Variants in ZHX3 observed in about 807,000 individuals in gnomAD.
ZHX3 encodes the protein zinc fingers and homeoboxes protein 3.
In ZHX3, 20 loss-of-function variants were observed where a neutral mutation model predicts 64.5. That is an observed-to-expected ratio of 0.31 (90% confidence interval 0.22 to 0.45). The LOEUF (loss-of-function observed/expected upper bound fraction) is 0.45, where lower values mean the gene tolerates loss of function less well. Ranked by LOEUF, ZHX3 falls within the 20% of genes least tolerant of loss-of-function variation. The pLI is 1.00. For missense variants in ZHX3, 1,041 were observed against 1,195.8 expected, an observed-to-expected ratio of 0.87 and a Z score of 1.91; for synonymous variants, 423 against 461.6, an observed-to-expected ratio of 0.92 and a Z score of 1.07.
chr20:41,266,915 G>A (rs972267756), intron 2 of ZHX3, among the ~76,000 whole-genome samples: 1 of 142,974 alleles, frequency 7.0e-6, no homozygotes, highest in African/African-American at 2.6e-5. Context: ...TGCCGTCTCG[G>A]CTCACTGCAA....
chr20:41,229,061 T>C (rs1238359729), intron 2 of ZHX3, among the ~76,000 whole-genome samples: 1 of 152,184 alleles, frequency 6.6e-6, no homozygotes, highest in Non-Finnish European at 1.5e-5. Context: ...CATTAAACAA[T>C]AACTCCCATT....
At chr20:41,289,740 C>G (rs1299591838) in intron 1 of ZHX3, among the ~76,000 whole-genome samples, 1 of 150,230 alleles carries the variant, frequency 6.7e-6, no homozygotes, top group Admixed American at 6.7e-5. Context: ...TGAAAGCTCT[C>G]TGGCCCCTAG....
At chr20:41,257,994 G>A (rs899915956) in intron 2 of ZHX3, among the ~76,000 whole-genome samples, 1 of 148,152 alleles carries the variant, frequency 6.7e-6, no homozygotes, top group Non-Finnish European at 1.5e-5. Flanking sequence ...CCACCTCCCA[G>A]GTTCAAGTGA....
chr20:41,290,834 T>C (rs1436747809), intron 1 of ZHX3, among the ~76,000 whole-genome samples: 1 of 152,198 alleles, frequency 6.6e-6, no homozygotes, highest in Non-Finnish European at 1.5e-5. Flanking sequence ...GAAAAGTGGC[T>C]ACAGGGACTC....
chr20:41,258,518 T>C (rs1398536575), intron 2 of ZHX3, among the ~76,000 whole-genome samples: 1 of 152,248 alleles, frequency 6.6e-6, no homozygotes, highest in Non-Finnish European at 1.5e-5. Context: ...TTCCTTATCA[T>C]TCACGTTCTT....
Position 41,222,889 on chromosome 20 carries a change from T to C in ZHX3, c.-150-17823A>G, listed in dbSNP as rs371215304. ...TGCAGGCTGGTGAGCTCACTTGAAT[T>C]TCTCAAGAACATTTGTTAAAAAAAA... On this transcript the variant is annotated intron_variant, in intron 2 of 3. Coordinates refer to ENST00000683867, the MANE Select transcript of ZHX3 (RefSeq NM_001384317.1). Among the ~76,000 whole-genome samples the C allele has an allele frequency of 5.1e-4, 77 of 149,928 alleles. 1 individual carries two copies. Among genetic ancestry groups the C allele is most frequent in the East Asian group, 5.0e-3 (25 of 5,004 alleles).
chr20:41,254,976 A>T (rs888833111), intron 2 of ZHX3, among the ~76,000 whole-genome samples: 48 of 152,236 alleles, frequency 3.2e-4, no homozygotes, highest in African/African-American at 1.1e-3. Context: ...GGAAGACCAA[A>T]GAAGACTTCA....
In ZHX3 at chr20:41,202,956, C is replaced by T. The variant is rs368356949; in HGVS notation, c.1961G>A (p.Arg654Gln). The part of the protein sequence containing the change: ...RLRSETKMTR[R>Q]EIDSWFSERR... ...CTCTGAAAACCAGCTATCAATTTCT[C>T]GTCGGGTCATTTTGGTTTCACTTCT... Residue 654 changes from arginine to glutamine, a missense_variant, in exon 3 of 4, where the codon CGA (arginine) becomes CAA (glutamine). Around this residue, in one of 4 missense-constraint regions of ZHX3, gnomAD observed 649 missense variants for 739.8 expected, o/e 0.88. Transcript: ENST00000683867. This position sits in a 1 kb window ranked among gnomAD's most constrained non-coding sequence, Gnocchi z 7.0. The T allele has an allele frequency of 2.0e-5, 33 of 1,613,978 alleles. No individual in the cohort carries two copies. Among genetic ancestry groups the T allele is most frequent in the East Asian group, 4.5e-5 (2 of 44,898 alleles).
intron 2 of ZHX3, among the ~76,000 whole-genome samples, chr20:41,221,912 G>A (rs1321093666): frequency 6.6e-6 from 1 of 152,208 alleles, no homozygotes; most frequent in Non-Finnish European, 1.5e-5. Flanking sequence ...TATGAGACAA[G>A]GTCAAAGAGG....
Position 41,202,944 on chromosome 20 carries a change from C to T in ZHX3, c.1973G>A (p.Ser658Asn), listed in dbSNP as rs2038367805. 6.2e-7 allele frequency: 1 copy of T among 1,614,056 alleles called. No homozygotes were observed. Among genetic ancestry groups the T allele is most frequent in the African/African-American group, 1.3e-5 (1 of 74,912 alleles). Reference protein sequence around the residue: ...ETKMTRREIDSWFSERRKKVN... With the variant: ...ETKMTRREIDNWFSERRKKVN... ...TTTTTTCCGTCTCTCTGAAAACCAG[C>T]TATCAATTTCTCGTCGGGTCATTTT... Residue 658 changes from serine (S) to asparagine (N), a missense_variant, in exon 3 of 4, where the codon AGC becomes AAC. Physicochemically the swap from Ser to Asn is conservative, Grantham distance 46 (BLOSUM62 1). This residue lies in a region of ZHX3 where 649 missense variants were observed against 739.8 expected (regional missense o/e 0.88). Coordinates refer to ENST00000683867, the MANE Select transcript of ZHX3 (RefSeq NM_001384317.1). This position sits in a 1 kb window ranked among gnomAD's most constrained non-coding sequence, Gnocchi z 7.0.
intron 3 of ZHX3, among the ~76,000 whole-genome samples, chr20:41,191,863 A>G (rs992736227): frequency 6.6e-6 from 1 of 152,212 alleles, no homozygotes; most frequent in Admixed American, 6.5e-5. Context: ...CAGGTGGGCC[A>G]TTCTCCAGGC....
chr20:41,290,053 A>G (rs1177139457), intron 1 of ZHX3, among the ~76,000 whole-genome samples: 1 of 152,246 alleles, frequency 6.6e-6, no homozygotes, highest in Non-Finnish European at 1.5e-5. Flanking sequence ...TATGGTTGTT[A>G]GAAAATCTGC....
chr20:41,210,957 A>G (rs1185179842), intron 2 of ZHX3, among the ~76,000 whole-genome samples: 6 of 152,188 alleles, frequency 3.9e-5, no homozygotes, highest in Non-Finnish European at 5.9e-5. Context: ...CAGACATTAC[A>G]TAACATCCCT....
intron 2 of ZHX3, among the ~76,000 whole-genome samples, chr20:41,206,667 G>C (rs1241215263): frequency 6.6e-6 from 1 of 152,184 alleles, no homozygotes; most frequent in South Asian, 2.1e-4. Context: ...ACAAATCTAC[G>C]TCTGATTGGT....
chr20:41,293,701 T>C (rs2044363890), intron 1 of ZHX3, among the ~76,000 whole-genome samples: 1 of 152,200 alleles, frequency 6.6e-6, no homozygotes, highest in African/African-American at 2.4e-5. Context: ...GAAAGGGATC[T>C]GGAAATTCTA....
In ZHX3 at chr20:41,226,840, A is replaced by C. The variant is rs756150642; in HGVS notation, c.-150-21774T>G. ...CTAGGTTCCTCATCCAGAGAAGGGT[A>C]CTGCCCCAGGTCTGAGCAGAATGAA... is the stretch of plus-strand genomic sequence containing the variant. On this transcript the variant is annotated intron_variant, in intron 2 of 3. Coordinates refer to ENST00000683867, the MANE Select transcript of ZHX3 (RefSeq NM_001384317.1). The surrounding 1 kb of genome is among the most constrained non-coding windows in gnomAD (Gnocchi z 4.4). Among the ~76,000 whole-genome samples the C allele has an allele frequency of 1.9e-4, 29 of 152,204 alleles. No individual in the cohort carries two copies. Among genetic ancestry groups the C allele is most frequent in the African/African-American group, 7.0e-4 (29 of 41,456 alleles).
chr20:41,317,300 C>G (rs1299262531), intron 1 of ZHX3: 2 of 152,468 alleles, frequency 1.3e-5, no homozygotes, highest in Non-Finnish European at 2.9e-5. Flanking sequence ...GGGGCGGAGC[C>G]TCTCAGCATG....
intron 2 of ZHX3, among the ~76,000 whole-genome samples, chr20:41,208,304 C>T (rs1568829015): frequency 6.6e-6 from 1 of 152,182 alleles, no homozygotes. Flanking sequence ...CTATTCCAAT[C>T]CACAGAAAAA....
intron 3 of ZHX3, chr20:41,196,787 G>GA (rs111736361): frequency 2.1e-3 from 254 of 123,590 alleles, no homozygotes; most frequent in East Asian, 4.8e-3. Context: ...CAGCCACCAA[G>GA]AAAAAAAAAA....
Sources: allele counts gnomAD v4.1 joint callset (sites outside exome capture counted in the v4.1 genomes callset), GRCh38; gene constraint gnomAD v4.1.1; regional missense constraint gnomAD v4.1.1; non-coding constraint Gnocchi (gnomAD v3.1); transcripts MANE v1.5; gene names NCBI Gene and HGNC (gene_info 2026-07-23, HGNC 2026-07-21).